Variants in PCDHGA4 observed in about 807,000 individuals in gnomAD.
PCDHGA4 encodes the protein protocadherin gamma subfamily A, 4, also known as protocadherin gamma-A4.
PCDHGA4 carries 38 observed loss-of-function variants against 54.6 expected under a neutral mutation model. That is an observed-to-expected ratio of 0.70 (90% confidence interval 0.54 to 0.91). PCDHGA4 has a LOEUF of 0.91. PCDHGA4 is among the 40% of genes least tolerant of loss of function. PCDHGA4 has a pLI of 0.00. For missense variants in PCDHGA4, 1,298 were observed against 1,220.9 expected, an observed-to-expected ratio of 1.06 and a Z score of -0.94; for synonymous variants, 511 against 512.9, an observed-to-expected ratio of 1.00 and a Z score of 0.05.
intron 1 of PCDHGA4, chr5:141,404,627 G>GC (rs2094548617): frequency 6.2e-7 from 1 of 1,614,026 alleles, no homozygotes; most frequent in Non-Finnish European, 8.5e-7. Flanking sequence ...GAATGACAAT[G>GC]CCCCAGAAAT....
At chr5:141,433,358 C>CCTAT (rs3074541) in intron 1 of PCDHGA4, 148,925 of 502,316 alleles carry the variant, frequency 0.3, 18,760 homozygotes, top group East Asian at 0.33. Flanking sequence ...CTACTGTCTG[C>CCTAT]CTATCTATCT....
intron 1 of PCDHGA4, chr5:141,384,324 T>C (rs373247436): frequency 6.2e-7 from 1 of 1,613,862 alleles, no homozygotes; most frequent in Non-Finnish European, 8.5e-7. Flanking sequence ...TCTTAGTGAC[T>C]GCACAGGACC....
At chr5:141,360,734 T>C in intron 1 of PCDHGA4, 3 of 1,613,986 alleles carry the variant, frequency 1.9e-6, no homozygotes, top group Non-Finnish European at 2.5e-6. Flanking sequence ...AAACACTCTC[T>C]GGACAGAGAA....
intron 1 of PCDHGA4, chr5:141,393,496 T>C (rs960048710): frequency 1.9e-6 from 3 of 1,613,940 alleles, no homozygotes; most frequent in Non-Finnish European, 8.5e-7. Flanking sequence ...ACAGTGCGCA[T>C]CCACGTGACA....
At chr5:141,393,154 G>GA in intron 1 of PCDHGA4, 1 of 1,613,294 alleles carries the variant, frequency 6.2e-7, no homozygotes, top group Non-Finnish European at 8.5e-7. Flanking sequence ...GAGGATAAAG[G>GA]AAAACTCTTT....
chr5:141,479,731 G>C (rs1176632022), intron 1 of PCDHGA4: 1 of 152,216 alleles, frequency 6.6e-6, no homozygotes, highest in East Asian at 1.9e-4. Context: ...TTTTTCTTAA[G>C]TATATGCACA....
intron 1 of PCDHGA4, chr5:141,392,651 C>G (rs1228467133): frequency 1.4e-6 from 1 of 708,830 alleles, no homozygotes; most frequent in Non-Finnish European, 2.2e-6. Flanking sequence ...CGAAGACCCG[C>G]AGATGCCACA....
intron 1 of PCDHGA4, chr5:141,478,150 C>T (rs569939900): frequency 6.2e-7 from 1 of 1,614,086 alleles, no homozygotes; most frequent in African/African-American, 1.3e-5. Flanking sequence ...CCGAGTTCCC[C>T]TCTGGCTCTG....
chr5:141,405,059 G>A (rs374581472), intron 1 of PCDHGA4: 22 of 1,613,900 alleles, frequency 1.4e-5, no homozygotes, highest in Non-Finnish European at 1.9e-5. Flanking sequence ...CGTCTCCTGT[G>A]TCTTCCTCAC....
At chr5:141,505,332 A>C in intron 2 of PCDHGA4, 61 bp from the exon 3 acceptor site, 1 of 1,610,872 alleles carries the variant, frequency 6.2e-7, no homozygotes, top group South Asian at 1.1e-5. Flanking sequence ...GGGAGAGGAC[A>C]GGAGGGGCAT....
intron 1 of PCDHGA4, chr5:141,412,160 G>T (rs952899384): frequency 2.0e-5 from 3 of 152,212 alleles, no homozygotes; most frequent in Middle Eastern, 3.2e-3. Flanking sequence ...TAAGAGAAGA[G>T]ATTATTTATA....
chr5:141,499,029 A>AAGGAAGGAAGGAAGGAAGG (rs1562187768), intron 2 of PCDHGA4, among the ~76,000 whole-genome samples: 3 of 140,076 alleles, frequency 2.1e-5, no homozygotes, highest in African/African-American at 8.3e-5. Flanking sequence ...AGGAAGGAAG[A>AAGGAAGGAAGGAAGGAAGG]AAAGAAAGAA....
At chr5:141,494,188 T>C (rs2099752632) in intron 1 of PCDHGA4, among the ~76,000 whole-genome samples, 1 of 152,186 alleles carries the variant, frequency 6.6e-6, no homozygotes, top group South Asian at 2.1e-4. Flanking sequence ...GTCCCGGGAC[T>C]TGGATGCCCC....
chr5:141,359,142 A>C (rs903512422), intron 1 of PCDHGA4, among the ~76,000 whole-genome samples: 1 of 152,224 alleles, frequency 6.6e-6, no homozygotes, highest in Non-Finnish European at 1.5e-5. Flanking sequence ...AGTAAGCTGG[A>C]ATATGATATG....
chr5:141,369,855 C>T (rs904166115), intron 1 of PCDHGA4, among the ~76,000 whole-genome samples: 4 of 152,098 alleles, frequency 2.6e-5, no homozygotes, highest in African/African-American at 7.2e-5. Context: ...TTTTATTTGG[C>T]CCTCATTTCT....
At position 141,486,637 on chromosome 5, in the gene PCDHGA4, G is replaced by C. The variant is rs761072169; in HGVS notation, c.2515-8170G>C. 28 of 1,613,638 alleles carry C rather than the reference G, an allele frequency of 1.7e-5. No homozygotes were observed. The highest frequency in any genetic ancestry group is 1.1e-5 in the Non-Finnish European group (13 of 1,180,034). ...CTGACCCAGACTCTGGCTTGAATGC[G>C]CTTATCTCCTACTCACTCCTGGAGC... On this transcript the variant is annotated intron_variant, in intron 1 of 3. Transcript: ENST00000571252. This position sits in a 1 kb window ranked among gnomAD's most constrained non-coding sequence, Gnocchi z 5.0.
At chr5:141,383,464 A>C (rs368298668) in intron 1 of PCDHGA4, 99 of 1,613,728 alleles carry the variant, frequency 6.1e-5, no homozygotes, top group Non-Finnish European at 8.2e-5. Context: ...AGACGATGAA[A>C]CTAAGTACCC....
rs143362044 is a variant in PCDHGA4, at chr5:141,511,092, C to T, written c.2808C>T (p.Asn936=). The T allele has an allele frequency of 4.5e-5, 73 of 1,614,088 alleles. No homozygotes were observed. Among genetic ancestry groups the T allele is most frequent in the Admixed American group, 1.5e-4 (9 of 60,012 alleles). ...YIPGSNATLT[N]AAGKRDGKAP... is the part of the protein sequence containing the mutation. ...CAGGCAGCAATGCCACACTGACCAA[C>T]GCAGCTGGCAAGCGGGATGGCAAGG... The change falls in exon 4 of 4, where the codon AAC becomes AAT. Residue 936 remains asparagine, a synonymous_variant. Coordinates refer to ENST00000571252, the MANE Select transcript of PCDHGA4 (RefSeq NM_018917.4).
chr5:141,427,546 C>T (rs779995777), intron 1 of PCDHGA4: 1 of 639,564 alleles, frequency 1.6e-6, no homozygotes, highest in South Asian at 1.5e-5. Context: ...GTCACCATCA[C>T]TGCCACTGAC....
Sources: allele counts gnomAD v4.1 joint callset (sites outside exome capture counted in the v4.1 genomes callset), GRCh38; gene constraint gnomAD v4.1.1; non-coding constraint Gnocchi (gnomAD v3.1); transcripts MANE v1.5; gene names NCBI Gene and HGNC (gene_info 2026-07-23, HGNC 2026-07-21).